LARGE1: variants seen among roughly 807,000 people sequenced by gnomAD.
LARGE1 encodes xylosyl- and glucuronyltransferase LARGE1.
LARGE1 carries 43 observed loss-of-function variants against 87.6 expected under a neutral mutation model. The observed-to-expected ratio is 0.49, with a 90% CI of 0.38 to 0.63. The LOEUF (loss-of-function observed/expected upper bound fraction) is 0.63. Among genes scored for constraint, LARGE1 ranks in the 30% least tolerant of loss-of-function variants. The probability of loss-of-function intolerance (pLI) is 0.00; values close to 1 mark genes in which losing one functional copy is unlikely to be tolerated. For missense variants in LARGE1, 802 were observed against 1,000.2 expected (o/e 0.80, Z 2.67); for synonymous variants, 434 against 394.6 (o/e 1.10, Z -1.18).
chr22:33,788,325 G>T (rs1177899100), intron 1 of LARGE1, among the ~76,000 whole-genome samples: 3 of 152,214 alleles, frequency 2.0e-5, no homozygotes, highest in Non-Finnish European at 4.4e-5. Flanking sequence ...ATGTGGAACT[G>T]TGAGTCCATT....
rs150661466 is a variant in LARGE1 at position 33,274,430 on chromosome 22, G to C, written c.2268C>G (p.Ser756Arg). The change falls in exon 15 of 15, where the codon AGC becomes AGG. Residue 756 changes from serine (S) to arginine (R), a missense_variant. Ser to Arg is a moderately radical substitution (Grantham distance 110). Transcript: ENST00000397394. ...ALKYLTAENN[S>R] ...CCTAGTGGTGGGCTTCTTGGTGCTA[G>C]CTGTTGTTCTCGGCTGTGAGATATT... The C allele has an allele frequency of 1.2e-6, 2 of 1,614,092 alleles. No individual in the cohort carries two copies. The highest frequency in any genetic ancestry group is 1.7e-6 in the Non-Finnish European group (2 of 1,180,014).
At chr22:33,239,535 C>CTTTTTTTT (rs71187254) in intron 11 of LARGE1, among the ~76,000 whole-genome samples, 81 of 95,292 alleles carry the variant, frequency 8.5e-4, no homozygotes, top group African/African-American at 1.1e-3. Context: ...TTTTTCTTTT[C>CTTTTTTTT]TTTTTTTTTT....
intron 10 of LARGE1, among the ~76,000 whole-genome samples, chr22:33,337,247 G>T (rs1451707202): frequency 6.6e-6 from 1 of 152,084 alleles, no homozygotes; most frequent in Non-Finnish European, 1.5e-5. Flanking sequence ...CTTGTGAAAA[G>T]CTCTTTTTGT....
intron 1 of LARGE1, among the ~76,000 whole-genome samples, chr22:33,848,498 C>T (rs2063495278): frequency 6.6e-6 from 1 of 152,094 alleles, no homozygotes; most frequent in African/African-American, 2.4e-5. Context: ...CCCTCCAGCA[C>T]CCACAATAAC....
chr22:33,664,202 G>A (rs565352833), intron 2 of LARGE1, among the ~76,000 whole-genome samples: 1 of 152,320 alleles, frequency 6.6e-6, no homozygotes, highest in African/African-American at 2.4e-5. Flanking sequence ...CCACAACACT[G>A]TGGAAGGAGA....
At chr22:33,793,256 A>T (rs1450103745) in intron 1 of LARGE1, among the ~76,000 whole-genome samples, 1 of 152,206 alleles carries the variant, frequency 6.6e-6, no homozygotes, top group Non-Finnish European at 1.5e-5. Context: ...TGTCAATTTT[A>T]AAAATATCAT....
chr22:33,763,440 T>C lies in LARGE1; in HGVS notation c.-82-1882A>G, dbSNP rs565817314. On this transcript the variant is annotated intron_variant, in intron 1 of 14. Coordinates refer to ENST00000397394, the MANE Select transcript of LARGE1 (RefSeq NM_133642.5). ...GCAAAATCCTTTTGAACAGAGAATG[T>C]TGACTTGAAAAAAAGTCCCCTCTAG... Among the ~76,000 whole-genome samples the C allele has an allele frequency of 5.9e-5, 9 of 152,298 alleles. 1 individual carries two copies. In the East Asian group the frequency reaches 1.5e-3, roughly 26 times the overall value.
At chr22:33,519,227 T>TGC (rs1555943708) in intron 6 of LARGE1, among the ~76,000 whole-genome samples, 1,715 of 136,300 alleles carry the variant, frequency 0.013, 26 homozygotes, top group African/African-American at 0.038. Context: ...GCTGCGTGCG[T>TGC]GCGCGCGCGT....
At chr22:33,571,069 T>C (rs2078187441) in intron 5 of LARGE1, among the ~76,000 whole-genome samples, 1 of 151,834 alleles carries the variant, frequency 6.6e-6, no homozygotes, top group Admixed American at 6.6e-5. Flanking sequence ...AAAATGAGAG[T>C]TAGTTTATTT....
intron 2 of LARGE1, among the ~76,000 whole-genome samples, chr22:33,739,665 C>T (rs1013681311): frequency 6.6e-6 from 1 of 152,164 alleles, no homozygotes; most frequent in African/African-American, 2.4e-5. Flanking sequence ...CTAAATGTCC[C>T]ACAGACAGTG....
intron 6 of LARGE1, among the ~76,000 whole-genome samples, chr22:33,445,485 G>A (rs1490734699): frequency 6.6e-6 from 1 of 152,186 alleles, no homozygotes; most frequent in Non-Finnish European, 1.5e-5. Context: ...GCAGGAGGAA[G>A]AGCGTTAAGA....
intron 2 of LARGE1, chr22:33,733,580 T>C (rs1351872766): frequency 1.3e-5 from 2 of 152,152 alleles, no homozygotes; most frequent in African/African-American, 4.8e-5. Context: ...TTGATACAGG[T>C]TGGCTTTTCT....
At chr22:33,304,876 A>T (rs1934661644) in intron 11 of LARGE1, among the ~76,000 whole-genome samples, 1 of 152,208 alleles carries the variant, frequency 6.6e-6, no homozygotes, top group African/African-American at 2.4e-5. Context: ...CTGATCTCCT[A>T]AGGCAGTGAC....
At chr22:33,597,650 C>G (rs937899141) in intron 5 of LARGE1, among the ~76,000 whole-genome samples, 1 of 152,128 alleles carries the variant, frequency 6.6e-6, no homozygotes, top group Non-Finnish European at 1.5e-5. Flanking sequence ...ATGTTGGTAA[C>G]AAGCGGGCAT....
chr22:33,681,122 A>G (rs2081757775), intron 2 of LARGE1, among the ~76,000 whole-genome samples: 2 of 152,234 alleles, frequency 1.3e-5, no homozygotes, highest in Admixed American at 1.3e-4. Flanking sequence ...TTATATTGCT[A>G]GAAAAGCACT....
intron 1 of LARGE1, among the ~76,000 whole-genome samples, chr22:33,806,079 C>G (rs1404055167): frequency 6.6e-6 from 1 of 152,196 alleles, no homozygotes; most frequent in Non-Finnish European, 1.5e-5. Context: ...CCACACCCAT[C>G]AGGCAGCTTC....
chr22:33,764,810 T>C (rs766599674), intron 1 of LARGE1, among the ~76,000 whole-genome samples: 3 of 152,254 alleles, frequency 2.0e-5, no homozygotes, highest in Non-Finnish European at 4.4e-5. Context: ...CCGAAGGCAA[T>C]GTGAATGCTA....
At chr22:33,153,712 T>C in the LARGE1 span, among the ~76,000 whole-genome samples, 1 of 152,248 alleles carries the variant, frequency 6.6e-6, no homozygotes, top group African/African-American at 2.4e-5. Context: ...GTTTGCATTA[T>C]CTTACCAACA....
At chr22:33,422,298 A>G (rs1295153509) in intron 7 of LARGE1, among the ~76,000 whole-genome samples, 2 of 152,176 alleles carry the variant, frequency 1.3e-5, no homozygotes, top group African/African-American at 2.4e-5. Flanking sequence ...TGCTACAGGG[A>G]AATACCCAAG....
Sources: allele counts gnomAD v4.1 joint callset (sites outside exome capture counted in the v4.1 genomes callset), GRCh38; gene constraint gnomAD v4.1.1; transcripts MANE v1.5; gene names NCBI Gene and HGNC (gene_info 2026-07-23, HGNC 2026-07-21).